IQCJ: variants seen among roughly 807,000 people sequenced by gnomAD.
IQCJ encodes IQ domain-containing protein J.
A neutral mutation model predicts 11.0 loss-of-function variants in IQCJ; 9 were observed. The ratio of observed to expected loss-of-function variants is 0.82; its 90% CI spans 0.49 to 1.43. The LOEUF (loss-of-function observed/expected upper bound fraction) is 1.43. Among genes scored for constraint, IQCJ ranks in the 40% most tolerant of loss-of-function variants. The pLI is 0.00. For synonymous variants in IQCJ, 55 were observed against 51.3 expected, an observed-to-expected ratio of 1.07 and a Z score of -0.31; for missense variants, 146 against 133.2, an observed-to-expected ratio of 1.10 and a Z score of -0.47.
At chr3:159,127,343 T>C (rs551452596) in intron 1 of IQCJ, among the ~76,000 whole-genome samples, 3 of 152,302 alleles carry the variant, frequency 2.0e-5, no homozygotes, top group African/African-American at 7.2e-5. Context: ...TGACCAGCTG[T>C]GGAAAGTTGG....
At chr3:159,105,672 T>G (rs145239701) in intron 1 of IQCJ, among the ~76,000 whole-genome samples, 14 of 151,844 alleles carry the variant, frequency 9.2e-5, no homozygotes, top group African/African-American at 2.4e-5. Flanking sequence ...AAGGCAAGAG[T>G]GATCCAGAGA....
chr3:159,199,316 A>T (rs1429144044), intron 1 of IQCJ, among the ~76,000 whole-genome samples: 4 of 152,200 alleles, frequency 2.6e-5, no homozygotes, highest in Admixed American at 6.5e-5. Flanking sequence ...TTAAAGAAAA[A>T]GTTGAAGATG....
chr3:159,137,898 A>G (rs1226650079), intron 1 of IQCJ, among the ~76,000 whole-genome samples: 1 of 152,244 alleles, frequency 6.6e-6, no homozygotes, highest in Non-Finnish European at 1.5e-5. Context: ...GATTTTTACC[A>G]TTCCAACATA....
intron 1 of IQCJ, among the ~76,000 whole-genome samples, chr3:159,158,711 T>C (rs898330574): frequency 2.0e-5 from 3 of 152,306 alleles, no homozygotes; most frequent in Non-Finnish European, 4.4e-5. Flanking sequence ...CAGAGTAGAA[T>C]TGGCAGTACC....
chr3:159,175,676 T>C (rs1722753669), intron 1 of IQCJ, among the ~76,000 whole-genome samples: 1 of 152,190 alleles, frequency 6.6e-6, no homozygotes. Context: ...CAATAGTTTG[T>C]TTCTTTTTAT....
chr3:159,130,700 A>G (rs1577028366), intron 1 of IQCJ, among the ~76,000 whole-genome samples: 1 of 152,218 alleles, frequency 6.6e-6, no homozygotes, highest in East Asian at 1.9e-4. Flanking sequence ...GTATGTCAGG[A>G]AGCACCAGGG....
intron 1 of IQCJ, among the ~76,000 whole-genome samples, chr3:159,233,723 TGACAA>T (rs1226938818): frequency 1.3e-5 from 2 of 152,090 alleles, no homozygotes; most frequent in Non-Finnish European, 2.9e-5. Flanking sequence ...ACCACAGGAA[TGACAA>T]GACAAGTAAG....
chr3:159,266,013 C>T (rs768812614), downstream of IQCJ: 2 of 152,166 alleles, frequency 1.3e-5, no homozygotes, highest in Non-Finnish European at 2.9e-5. Flanking sequence ...ACAAAAGTAA[C>T]GTTTAAGTAT....
rs1283893484 is a variant in IQCJ at position 159,201,618 on chromosome 3, ATAATGATTCTTTTTTTT to A, written c.10-44223_10-44207del. The stretch of plus-strand genomic sequence containing the variant: ...GGAAACAATAGAAACAAAACTGTTG[ATAATGATTCTTTTTTTT>A]TTTTTTTTTTTTTTTTTGAGACGGA... On this transcript the variant is annotated intron_variant, in intron 1 of 3. Transcript: ENST00000397832. 1.6e-4 allele frequency among the ~76,000 whole-genome samples: 22 copies of A among 138,142 alleles called. 1 individual carries two copies. In the South Asian group the frequency reaches 5.5e-3, roughly 35 times the overall value. 90.6% of individuals were successfully genotyped at this position (138,142 alleles called of 152,430 possible).
At chr3:159,170,725 C>T (rs535568733) in intron 1 of IQCJ, among the ~76,000 whole-genome samples, 4 of 151,964 alleles carry the variant, frequency 2.6e-5, no homozygotes, top group African/African-American at 9.7e-5. Flanking sequence ...GTGCTATGGC[C>T]AGTCTTTGCC....
intron 1 of IQCJ, among the ~76,000 whole-genome samples, chr3:159,214,879 G>A (rs1725139606): frequency 6.6e-6 from 1 of 152,182 alleles, no homozygotes; most frequent in South Asian, 2.1e-4. Flanking sequence ...TATCCAGCAA[G>A]TCTATGTGTT....
intron 1 of IQCJ, among the ~76,000 whole-genome samples, chr3:159,201,511 CTGTGTGTGTGTG>C (rs59855853): frequency 1.3e-5 from 2 of 149,098 alleles, no homozygotes; most frequent in African/African-American, 2.5e-5. Flanking sequence ...TTGTGTATCT[CTGTGTGTGTGTG>C]TGTGTGTGTG....
chr3:159,165,449 G>C (rs1560010392), intron 1 of IQCJ, among the ~76,000 whole-genome samples: 1 of 152,096 alleles, frequency 6.6e-6, no homozygotes, highest in Admixed American at 6.6e-5. Flanking sequence ...GCAGGACTTT[G>C]GTTTATCCCT....
At chr3:159,265,453 A>T (rs146242440), downstream of IQCJ, 12,421 of 1,416,250 alleles carry the variant, frequency 8.8e-3, 69 homozygotes, top group Middle Eastern at 0.014. Flanking sequence ...GCCTACACTG[A>T]CTAAGCCTGT....
At chr3:159,069,846 TGTGTGTG>T (rs1559972066) in intron 1 of IQCJ, 5 of 64,740 alleles carry the variant, frequency 7.7e-5, no homozygotes, top group Non-Finnish European at 5.3e-5. Context: ...TCCTTTCTTG[TGTGTGTG>T]TGTGTGTGTG....
intron 1 of IQCJ, among the ~76,000 whole-genome samples, chr3:159,123,876 T>C (rs972890297): frequency 6.6e-6 from 1 of 152,164 alleles, no homozygotes; most frequent in African/African-American, 2.4e-5. Flanking sequence ...CTCTGAGCTA[T>C]GGGAATATTA....
intron 1 of IQCJ, among the ~76,000 whole-genome samples, chr3:159,081,503 A>G (rs1022185025): frequency 6.6e-6 from 1 of 152,092 alleles, no homozygotes; most frequent in Non-Finnish European, 1.5e-5. Flanking sequence ...AATTGTGTAT[A>G]TATTCTGGGA....
intron 1 of IQCJ, among the ~76,000 whole-genome samples, chr3:159,162,880 T>G (rs559129226): frequency 6.6e-6 from 1 of 152,128 alleles, no homozygotes; most frequent in Non-Finnish European, 1.5e-5. Flanking sequence ...CAGGAAGAAG[T>G]TGAATCTCTG....
intron 1 of IQCJ, among the ~76,000 whole-genome samples, chr3:159,173,133 T>C (rs1722586861): frequency 6.6e-6 from 1 of 152,200 alleles, no homozygotes; most frequent in Non-Finnish European, 1.5e-5. Context: ...CTCTTCAGCT[T>C]TGGCCATGCC....
Sources: allele counts gnomAD v4.1 joint callset (sites outside exome capture counted in the v4.1 genomes callset), GRCh38; gene constraint gnomAD v4.1.1; transcripts MANE v1.5; gene names NCBI Gene and HGNC (gene_info 2026-07-23, HGNC 2026-07-21).